MYH4: variants seen among roughly 807,000 people sequenced by gnomAD.
The protein encoded by MYH4 is myosin-4.
A neutral mutation model predicts 229.9 loss-of-function variants in MYH4; 200 were observed. The observed-to-expected ratio is 0.87, with a 90% CI of 0.78 to 0.98. MYH4 has a LOEUF of 0.98. MYH4 is among the 50% of genes least tolerant of loss of function. MYH4 has a pLI of 0.00. For missense variants in MYH4, 2,148 were observed against 2,332.6 expected, an observed-to-expected ratio of 0.92 and a Z score of 1.63; for synonymous variants, 761 against 834.6, an observed-to-expected ratio of 0.91 and a Z score of 1.52.
At chr17:10,467,424 A>G (rs1305122108) in intron 2 of MYH4, among the ~76,000 whole-genome samples, 2 of 152,250 alleles carry the variant, frequency 1.3e-5, no homozygotes, top group African/African-American at 4.8e-5. Flanking sequence ...TGAAAGCTGA[A>G]TATCCAACAT....
In MYH4 at chr17:10,460,970, T is replaced by C; in HGVS notation, c.1093A>G (p.Met365Val). The C allele has an allele frequency of 6.2e-7, 1 of 1,614,130 alleles. No individual in the cohort carries two copies. The highest frequency in any genetic ancestry group is 8.5e-7 in the Non-Finnish European group (1 of 1,179,996). ...TCCCTTTGCTTTTGCTTGAATTTCA[T>C]GTTCCCATAATGCATCACGGCTCCA... ...LTGAVMHYGN[M>V]KFKQKQREEQ... The change falls in exon 12 of 40, where the codon ATG (methionine) becomes GTG (valine). Residue 365 changes from methionine to valine, a missense_variant. Met to Val is a conservative substitution (Grantham distance 21, BLOSUM62 1). Transcript: ENST00000255381.
rs2072603076 is a variant in MYH4, at chr17:10,453,630, T to A, written c.2934+13A>T. 6.2e-7 allele frequency: 1 copy of A among 1,614,006 alleles called. No individual in the cohort carries two copies. The highest frequency in any genetic ancestry group is 8.5e-7 in the Non-Finnish European group (1 of 1,180,018). ...GTGCTTATAAATATTCTAAAATGGA[T>A]CATGATTTGTACCTTGTTCTCTGTG... On this transcript the variant is annotated intron_variant, in intron 23 of 39. Coordinates refer to ENST00000255381, the MANE Select transcript of MYH4 (RefSeq NM_017533.2).
Position 10,450,565 on chromosome 17 carries a change from C to G in MYH4, c.4069G>C (p.Ala1357Pro). The change falls in exon 30 of 40, where the codon GCC (alanine) becomes CCC (proline). Residue 1357 changes from alanine to proline, a missense_variant. Coordinates refer to ENST00000255381, the MANE Select transcript of MYH4 (RefSeq NM_017533.2). ...ATTCCCCTCTGCAGCTCAGCCTTGGCTTCCTGCTCCTCCTCATACTGTTCC... is the reference window on the plus strand; with the variant it reads ...ATTCCCCTCTGCAGCTCAGCCTTGGGTTCCTGCTCCTCCTCATACTGTTCC... ...LREQYEEEQE[A>P]KAELQRGMSK... The G allele has an allele frequency of 1.9e-6, 3 of 1,614,218 alleles. No individual in the cohort carries two copies. The highest frequency in any genetic ancestry group is 2.5e-6 in the Non-Finnish European group (3 of 1,180,032).
intron 10 of MYH4, 47 bp downstream of exon 10, chr17:10,463,043 G>C (rs751833910): frequency 8.8e-6 from 14 of 1,590,848 alleles, no homozygotes; most frequent in Non-Finnish European, 3.4e-6. Flanking sequence ...AGGCTTCTTA[G>C]AAGGGCTGTT....
Position 10,449,023 on chromosome 17 carries a change from C to T in MYH4, c.4206G>A (p.Gln1402=), listed in dbSNP as rs757723427. The change falls in exon 31 of 40, where the codon CAG becomes CAA. Residue 1402 remains glutamine (Q), a synonymous_variant. Coordinates refer to ENST00000255381, the MANE Select transcript of MYH4 (RefSeq NM_017533.2). ...CAGCTTCTACATGTTCTTCTGCATC[C>T]TGCAGACGCTGGGCTAGCTTCTTCC... ...EAKKKLAQRL[Q]DAEEHVEAVN... 9.3e-6 allele frequency: 15 copies of T among 1,614,066 alleles called. No homozygotes were observed. The highest frequency in any genetic ancestry group is 1.2e-5 in the Non-Finnish European group (14 of 1,179,984).
Position 10,460,211 on chromosome 17 carries a change from C to G in MYH4, c.1258G>C (p.Val420Leu). 6.2e-7 allele frequency: 1 copy of G among 1,613,954 alleles called. No homozygotes were observed. The highest frequency in any genetic ancestry group is 8.5e-7 in the Non-Finnish European group (1 of 1,179,788). ...GNEFVTKGQT[V>L]QQVYNAVGAL... ...ATTTAAGTCATGTTTACCTGCTGCA[C>G]AGTCTGGCCTTTGGTTACGAACTCA... The change falls in exon 13 of 40, where the codon GTG becomes CTG. Residue 420 changes from valine to leucine, a missense_variant. Coordinates refer to ENST00000255381, the MANE Select transcript of MYH4 (RefSeq NM_017533.2).
Position 10,447,193 on chromosome 17 carries a change from A to G in MYH4, c.4989T>C (p.Asp1663=), listed in dbSNP as rs559320150. ...ILKDTQLHLD[D]AIRGQDDLKE... is the part of the protein sequence containing the mutation. ...TAAGGTCATCTTGGCCTCTGATGGC[A>G]TCATCCAAATGTAGCTGAGTGTCCT... Residue 1663 remains aspartate (D), a synonymous_variant, in exon 35 of 40, where the codon GAT becomes GAC. Transcript: ENST00000255381. The G allele has an allele frequency of 2.5e-6, 4 of 1,614,140 alleles. No individual in the cohort carries two copies. The highest frequency in any genetic ancestry group is 3.4e-6 in the Non-Finnish European group (4 of 1,180,014).
intron 34 of MYH4, 62 bp from the exon 35 acceptor site, chr17:10,447,278 G>A: frequency 7.1e-7 from 1 of 1,416,858 alleles, no homozygotes; most frequent in Non-Finnish European, 9.9e-7. Flanking sequence ...CAAACTTATG[G>A]TCATGTACAC....
At chr17:10,464,358 A>G in intron 7 of MYH4, 114 bp downstream of exon 7, 2 of 870,802 alleles carry the variant, frequency 2.3e-6, no homozygotes, top group South Asian at 1.9e-5. Context: ...TTAAGGCTGC[A>G]TAGTATTCCA....
intron 19 of MYH4, 42 bp from the exon 20 acceptor site, chr17:10,455,337 CT>C: frequency 6.4e-7 from 1 of 1,570,654 alleles, no homozygotes; most frequent in Admixed American, 1.9e-5. Context: ...TTTTTCTTCA[CT>C]GAAAAAAACA....
chr17:10,462,248 T>G (rs1387359898), intron 11 of MYH4, among the ~76,000 whole-genome samples: 2 of 152,098 alleles, frequency 1.3e-5, no homozygotes, highest in Non-Finnish European at 2.9e-5. Flanking sequence ...AGTTTACATA[T>G]AAAGAAAGTA....
At chr17:10,462,781 G>A in intron 11 of MYH4, 84 bp downstream of exon 11, 1 of 1,132,396 alleles carries the variant, frequency 8.8e-7, no homozygotes, top group East Asian at 2.4e-5. Context: ...TAGTCTTTCT[G>A]CCACTGCTTT....
At chr17:10,446,540 T>C (rs962363819) in intron 35 of MYH4, among the ~76,000 whole-genome samples, 4 of 152,222 alleles carry the variant, frequency 2.6e-5, no homozygotes, top group African/African-American at 9.6e-5. Context: ...ACAAATTCAC[T>C]ATATACAACA....
In MYH4 at chr17:10,444,866, G is replaced by C. The variant is rs1597413301; in HGVS notation, c.5500C>G (p.Gln1834Glu). ...TTGACAGCCTCAACATTGTGCTTCT[G>C]TTCACTTTCCACCTCACTTTCAAGC... is the stretch of plus-strand genomic sequence containing the variant. Reference protein sequence around the residue: ...RELESEVESEQKHNVEAVKGL... With the variant: ...RELESEVESEEKHNVEAVKGL... Residue 1834 changes from glutamine (Q) to glutamate (E), a missense_variant, in exon 38 of 40, where the codon CAG becomes GAG. Transcript: ENST00000255381. 3.1e-6 allele frequency: 5 copies of C among 1,614,102 alleles called. No individual in the cohort carries two copies. The East Asian group carries it at 8.9e-5, about 29-fold the overall frequency.
Position 10,444,684 on chromosome 17 carries a change from T to C in MYH4, c.5587A>G (p.Lys1863Glu). The C allele has an allele frequency of 6.2e-7, 1 of 1,613,962 alleles. No homozygotes were observed. The highest frequency in any genetic ancestry group is 8.5e-7 in the Non-Finnish European group (1 of 1,179,964). ...AAGTCCTGCAGCCTGAGAATATTCT[T>C]GCGGTCCTCCTCAGTCTGAAAGAGG... ...ELTYQTEEDRKNILRLQDLVD... is the reference protein window; with the variant it reads ...ELTYQTEEDRENILRLQDLVD... Residue 1863 changes from lysine to glutamate, a missense_variant, in exon 39 of 40, where the codon AAG (lysine) becomes GAG (glutamate). Transcript: ENST00000255381.
At position 10,464,634 on chromosome 17, in the gene MYH4, G is replaced by C. The variant is rs577327116; in HGVS notation, c.533+47C>G. On this transcript the variant is annotated intron_variant, in intron 6 of 39. Coordinates refer to ENST00000255381, the MANE Select transcript of MYH4 (RefSeq NM_017533.2). ...AAGGTCAGAATCTAAGGTAGTAGTA[G>C]CCACTACAATGATCAAAACAGAAAG... 3.7e-6 allele frequency: 6 copies of C among 1,612,754 alleles called. No homozygotes were observed. In the Admixed American group the frequency reaches 8.3e-5, roughly 22 times the overall value.
chr17:10,447,015 G>T lies in MYH4; in HGVS notation c.5167C>A (p.Gln1723Lys). Residue 1723 changes from glutamine (Q) to lysine (K), a missense_variant and splice_region_variant, in exon 35 of 40, where the codon CAG becomes AAG. Physicochemically the swap from Gln to Lys is moderately conservative, Grantham distance 53 (BLOSUM62 1). Coordinates refer to ENST00000255381, the MANE Select transcript of MYH4 (RefSeq NM_017533.2). ...TAAACCATAGTCTTGAACCTCACCT[G>T]AGTGTGCAGAAGTTGCACACGTTCA... ...ASERVQLLHT[Q>K]NTSLINTKKK... 3.7e-6 allele frequency: 6 copies of T among 1,613,486 alleles called. 1 individual carries two copies. Among genetic ancestry groups the T allele is most frequent in the Non-Finnish European group, 5.1e-6 (6 of 1,179,526 alleles).
In MYH4 at chr17:10,452,138, C is replaced by T. The variant is rs777973144; in HGVS notation, c.3541G>A (p.Asp1181Asn). 1 of 1,614,066 alleles carries T rather than the reference C, an allele frequency of 6.2e-7. No individual in the cohort carries two copies. The change falls in exon 27 of 40, where the codon GAC (aspartate) becomes AAC (asparagine). Residue 1181 changes from aspartate to asparagine, a missense_variant. Physicochemically the swap from Asp to Asn is conservative, Grantham distance 23. Coordinates refer to ENST00000255381, the MANE Select transcript of MYH4 (RefSeq NM_017533.2). ...REAEFQKMRRDLEESTLQHEA... is the reference protein window; with the variant it reads ...REAEFQKMRRNLEESTLQHEA... ...TGCTGCAGGGTGGACTCTTCCAGGT[C>T]CCTGCGCATTTTCTGGAACTCAGCC...
At chr17:10,456,251 G>C (rs2072637078) in intron 17 of MYH4, among the ~76,000 whole-genome samples, 1 of 152,140 alleles carries the variant, frequency 6.6e-6, no homozygotes, top group African/African-American at 2.4e-5. Flanking sequence ...GGGCTCAGGG[G>C]CAATGGTTCA....
Sources: gnomAD v4.1 joint callset for allele counts (sites outside exome capture counted in the v4.1 genomes callset) on GRCh38, gnomAD v4.1.1 for gene constraint, MANE v1.5 for transcripts, NCBI Gene and HGNC (gene_info 2026-07-23, HGNC 2026-07-21) for gene names.